SLC4A4: variants seen among roughly 807,000 people sequenced by gnomAD.
SLC4A4 encodes solute carrier family 4 member 4.
Under a neutral mutation model 111.5 loss-of-function variants are expected in SLC4A4, and 27 were observed. That is an observed-to-expected ratio of 0.24 (90% confidence interval 0.18 to 0.33). The LOEUF (loss-of-function observed/expected upper bound fraction) is 0.33, where lower values mean the gene tolerates loss of function less well. Among genes scored for constraint, SLC4A4 ranks in the 10% least tolerant of loss-of-function variants. The probability of loss-of-function intolerance (pLI) is 1.00; values close to 1 mark genes in which losing one functional copy is unlikely to be tolerated. For synonymous variants in SLC4A4, 443 were observed against 463.4 expected, an observed-to-expected ratio of 0.96 and a Z score of 0.57; for missense variants, 909 against 1,315.5, an observed-to-expected ratio of 0.69 and a Z score of 4.78.
intron 7 of SLC4A4, among the ~76,000 whole-genome samples, chr4:71,427,893 A>T (rs747110124): frequency 6.6e-6 from 1 of 152,168 alleles, no homozygotes; most frequent in Non-Finnish European, 1.5e-5. Flanking sequence ...ACAGACTCCG[A>T]GTAAACTTAT....
chr4:71,341,895 C>G (rs775326638), intron 4 of SLC4A4, among the ~76,000 whole-genome samples: 86 of 151,882 alleles, frequency 5.7e-4, no homozygotes, highest in Non-Finnish European at 1.1e-3. Context: ...TCTTTCATAA[C>G]TTAAACAATG....
At position 71,551,256 on chromosome 4, in the gene SLC4A4, G is replaced by T. The variant is rs28575636; in HGVS notation, c.2694+3536G>T. Among the ~76,000 whole-genome samples, 876 of 152,008 alleles carry T rather than the reference G, an allele frequency of 5.8e-3. 12 individuals are homozygous for T. The highest frequency in any genetic ancestry group is 0.02 in the African/African-American group (833 of 41,530). On this transcript the variant is annotated intron_variant, in intron 20 of 25. Coordinates refer to ENST00000264485, the MANE Select transcript of SLC4A4 (RefSeq NM_001098484.3). ...ATAGTTTAATTCAAGTTAATTAGGA[G>T]TAGTCAAATTTATCTTTAAGATTTG...
At chr4:71,396,240 A>C (rs1235398428) in intron 6 of SLC4A4, among the ~76,000 whole-genome samples, 1 of 152,226 alleles carries the variant, frequency 6.6e-6, no homozygotes, top group African/African-American at 2.4e-5. Context: ...CAGGTAAAAG[A>C]TTTAAGAGAT....
At chr4:71,509,813 T>C (rs145695349) in intron 16 of SLC4A4, among the ~76,000 whole-genome samples, 18 of 152,218 alleles carry the variant, frequency 1.2e-4, no homozygotes, top group African/African-American at 4.3e-4. Flanking sequence ...GTTTGAGCAA[T>C]GGGTTCTTAG....
Position 71,472,926 on chromosome 4 carries a change from G to T in SLC4A4, c.1859G>T (p.Gly620Val), listed in dbSNP as rs1217744440. 1 of 1,612,948 alleles carries T rather than the reference G, an allele frequency of 6.2e-7. No homozygotes were observed. Among genetic ancestry groups the T allele is most frequent in the Non-Finnish European group, 8.5e-7 (1 of 1,179,360 alleles). ...YYPINSNFKV[G>V]YNTLFSCTCV... ...CCCATCAACTCCAACTTCAAAGTGG[G>T]CTACAACACTCTCTTTTCCTGTACC... Residue 620 changes from glycine (G) to valine (V), a missense_variant, in exon 14 of 26, where the codon GGC becomes GTC. Gly to Val is a moderately radical substitution (Grantham distance 109). Coordinates refer to ENST00000264485, the MANE Select transcript of SLC4A4 (RefSeq NM_001098484.3).
chr4:71,498,383 T>C (rs1465517991), intron 16 of SLC4A4, among the ~76,000 whole-genome samples: 2 of 152,174 alleles, frequency 1.3e-5, no homozygotes, highest in Non-Finnish European at 2.9e-5. Context: ...CAAACTAAGA[T>C]AATCCTTTGC....
chr4:71,192,872 G>A (rs1745797983), intron 1 of SLC4A4, among the ~76,000 whole-genome samples: 1 of 152,066 alleles, frequency 6.6e-6, no homozygotes, highest in Admixed American at 6.6e-5. Flanking sequence ...TCCCACCAAG[G>A]TAACCACTCT....
At chr4:71,500,569 C>G (rs1456493748) in intron 16 of SLC4A4, among the ~76,000 whole-genome samples, 1 of 152,170 alleles carries the variant, frequency 6.6e-6, no homozygotes, top group Admixed American at 6.5e-5. Flanking sequence ...ACCCACTCGC[C>G]TTGGCCTCCC....
At chr4:71,075,707 C>T (rs933994815) in intron 1 of SLC4A4, among the ~76,000 whole-genome samples, 2 of 152,106 alleles carry the variant, frequency 1.3e-5, no homozygotes, top group Non-Finnish European at 2.9e-5. Context: ...CGGTGGCTCA[C>T]GCCTGTAATC....
intron 4 of SLC4A4, among the ~76,000 whole-genome samples, chr4:71,342,469 G>C (rs1728971475): frequency 6.6e-6 from 1 of 152,118 alleles, no homozygotes; most frequent in Non-Finnish European, 1.5e-5. Flanking sequence ...TAGTCTTTCT[G>C]AGCTTGAATT....
chr4:71,317,927 G>A (rs1377958945), intron 3 of SLC4A4, among the ~76,000 whole-genome samples: 6 of 151,950 alleles, frequency 3.9e-5, no homozygotes, highest in Non-Finnish European at 5.9e-5. Context: ...TTCATAATAA[G>A]CGCTATTTAT....
rs115367475 is a variant in SLC4A4 at position 71,083,391 on chromosome 4, A to G, written c.-64-9339A>G. ...TATTTGAGACTCTACTCATTTCTCAATTGATGGGGCCAATAGCTACTTTAA... is the reference window on the plus strand; with the variant it reads ...TATTTGAGACTCTACTCATTTCTCAGTTGATGGGGCCAATAGCTACTTTAA... On this transcript the variant is annotated intron_variant, in intron 1 of 26. Coordinates refer to the SLC4A4 transcript ENST00000649996. 2.7e-3 allele frequency among the ~76,000 whole-genome samples: 408 copies of G among 151,928 alleles called. 5 individuals are homozygous for G. Among genetic ancestry groups the G allele is most frequent in the African/African-American group, 9.3e-3 (385 of 41,324 alleles).
intron 7 of SLC4A4, among the ~76,000 whole-genome samples, chr4:71,415,886 C>T (rs536485023): frequency 6.6e-6 from 1 of 152,314 alleles, no homozygotes; most frequent in African/African-American, 2.4e-5. Context: ...ATTATCTGCT[C>T]AGCATTGTGC....
intron 18 of SLC4A4, among the ~76,000 whole-genome samples, chr4:71,544,119 T>C (rs1735300982): frequency 6.6e-6 from 1 of 152,074 alleles, no homozygotes. Context: ...ATTTCAGAAT[T>C]AGTGTGACGA....
Position 71,236,443 on chromosome 4 carries a change from CAGA to C in SLC4A4, c.-1-126_-1-124del, listed in dbSNP as rs1719815220. The stretch of plus-strand genomic sequence containing the variant: ...AGCTGCGTGAAGCAGTAGCAGACAC[CAGA>C]AGAAGAGTGACTCTGCCCTGCTAAC... On this transcript the variant is annotated intron_variant, in intron 1 of 25. Coordinates refer to ENST00000264485, the MANE Select transcript of SLC4A4 (RefSeq NM_001098484.3). 4 of 836,530 alleles carry C rather than the reference CAGA, an allele frequency of 4.8e-6. No individual in the cohort carries two copies. The East Asian group carries it at 8.6e-5, about 18-fold the overall frequency. 51.8% of individuals were successfully genotyped at this position (836,530 alleles called of 1,614,324 possible). A position where few individuals can be genotyped will look rare whatever the true frequency, so the allele number is the denominator to read the frequency against.
chr4:71,324,361 TA>T lies in SLC4A4; in HGVS notation c.254-15008del, dbSNP rs537185749. 1.4e-4 allele frequency among the ~76,000 whole-genome samples: 22 copies of T among 152,112 alleles called. No homozygotes were observed. The East Asian group carries it at 3.9e-3, about 27-fold the overall frequency. On this transcript the variant is annotated intron_variant, in intron 3 of 25. Transcript: ENST00000264485. ...ACTTTTCTCTCTGATAGTCTTGGAATATTGAAATAATATTAATAATATGCTT... is the reference window on the plus strand; with the variant it reads ...ACTTTTCTCTCTGATAGTCTTGGAATTTGAAATAATATTAATAATATGCTT...
intron 1 of SLC4A4, among the ~76,000 whole-genome samples, chr4:71,208,988 T>A (rs753129646): frequency 6.6e-6 from 1 of 152,190 alleles, no homozygotes; most frequent in Non-Finnish European, 1.5e-5. Context: ...AGAGACAAAT[T>A]TGGTTACGCT....
chr4:71,411,820 A>T (rs370133387), intron 7 of SLC4A4, among the ~76,000 whole-genome samples: 1 of 152,190 alleles, frequency 6.6e-6, no homozygotes, highest in African/African-American at 2.4e-5. Flanking sequence ...ACTTCATTGT[A>T]ATGTGGCATC....
chr4:71,390,441 TC>T (rs1719152069), intron 6 of SLC4A4, among the ~76,000 whole-genome samples: 1 of 152,210 alleles, frequency 6.6e-6, no homozygotes, highest in Admixed American at 6.5e-5. Flanking sequence ...GTGGTGTAAT[TC>T]TTTTACAATT....
Sources: allele counts gnomAD v4.1 joint callset (sites outside exome capture counted in the v4.1 genomes callset), GRCh38; gene constraint gnomAD v4.1.1; transcripts MANE v1.5; gene names NCBI Gene and HGNC (gene_info 2026-07-23, HGNC 2026-07-21).